The following PIWIL3 variants were observed in gnomAD, a reference collection of about 807,000 sequenced individuals.
PIWIL3 encodes piwi-like protein 3.
Under a neutral mutation model 109.7 loss-of-function variants are expected in PIWIL3, and 101 were observed. The ratio of observed to expected loss-of-function variants is 0.92; its 90% CI spans 0.78 to 1.09. The LOEUF (loss-of-function observed/expected upper bound fraction) is 1.09. Among genes scored for constraint, PIWIL3 ranks in the 50% least tolerant of loss-of-function variants. PIWIL3 has a pLI of 0.00. For synonymous variants in PIWIL3, 373 were observed against 376.4 expected, an observed-to-expected ratio of 0.99 and a Z score of 0.10; for missense variants, 1,031 against 1,072.6, an observed-to-expected ratio of 0.96 and a Z score of 0.54.
At chr22:24,725,296 A>G in intron 17 of PIWIL3, 149 bp downstream of exon 17, 1 of 985,760 alleles carries the variant, frequency 1.0e-6, no homozygotes, top group South Asian at 1.6e-5. Context: ...TCTACCCACT[A>G]GACTCAATGC....
At chr22:24,754,527 T>C (rs971896827) in intron 7 of PIWIL3, among the ~76,000 whole-genome samples, 4 of 152,240 alleles carry the variant, frequency 2.6e-5, no homozygotes, top group Non-Finnish European at 5.9e-5. Flanking sequence ...AGACAAATTA[T>C]ACATTTTGGA....
chr22:24,773,087 T>G (rs1926217030), intron 1 of PIWIL3, among the ~76,000 whole-genome samples: 1 of 152,094 alleles, frequency 6.6e-6, no homozygotes, highest in South Asian at 2.1e-4. Flanking sequence ...GCCAGGACAG[T>G]AGAAAGCTGT....
At chr22:24,745,504 C>A (rs530932534) in intron 12 of PIWIL3, among the ~76,000 whole-genome samples, 1 of 151,692 alleles carries the variant, frequency 6.6e-6, no homozygotes, top group Admixed American at 6.6e-5. Context: ...CCAGAATCAC[C>A]CCACTACACT....
chr22:24,758,040 C>T lies in PIWIL3; in HGVS notation c.224-1G>A, dbSNP rs957971522. On this transcript the variant is annotated splice_acceptor_variant, in intron 3 of 20. Transcript: ENST00000616349. LOFTEE classifies it high-confidence loss of function. The stretch of plus-strand genomic sequence containing the variant: ...GCCTCAGGTCCAGGTTCCTTCACCC[C>T]TGCATAAATGTAAACGCCAGAAGTT... 1.2e-6 allele frequency: 2 copies of T among 1,603,744 alleles called. No individual in the cohort carries two copies. The highest frequency in any genetic ancestry group is 1.4e-5 in the African/African-American group (1 of 73,966).
At chr22:24,730,703 T>TA (rs553550876) in intron 14 of PIWIL3, among the ~76,000 whole-genome samples, 18 of 152,028 alleles carry the variant, frequency 1.2e-4, no homozygotes, top group Admixed American at 3.9e-4. Context: ...TCCAAATATC[T>TA]AAAAAAAATG....
At chr22:24,737,349 A>C (rs1923719068) in intron 12 of PIWIL3, among the ~76,000 whole-genome samples, 1 of 152,142 alleles carries the variant, frequency 6.6e-6, no homozygotes, top group African/African-American at 2.4e-5. Context: ...CCAGAAGGGA[A>C]ACCTGTTGCT....
At chr22:24,749,553 A>C in intron 10 of PIWIL3, 32 bp from the exon 11 acceptor site, 1 of 1,612,368 alleles carries the variant, frequency 6.2e-7, no homozygotes, top group Non-Finnish European at 8.5e-7. Context: ...ACAGCTGAAC[A>C]AGCATGAATT....
intron 19 of PIWIL3, among the ~76,000 whole-genome samples, chr22:24,720,563 G>A (rs992434609): frequency 3.9e-5 from 6 of 152,208 alleles, no homozygotes; most frequent in Admixed American, 6.5e-5. Context: ...GAGCCACTGC[G>A]CCTGGCCTTA....
At chr22:24,740,218 C>CAAAAAAAAAAAAAAAAAAAAAAA (rs71189272) in intron 12 of PIWIL3, among the ~76,000 whole-genome samples, 5 of 63,894 alleles carry the variant, frequency 7.8e-5, no homozygotes, top group African/African-American at 3.0e-4. Flanking sequence ...GAGACTGTCT[C>CAAAAAAAAAAAAAAAAAAAAAAA]AAAAAAAAAA....
At chr22:24,774,200 T>A (rs530865022) in intron 1 of PIWIL3, 122 bp downstream of exon 1, 1 of 152,224 alleles carries the variant, frequency 6.6e-6, no homozygotes, top group African/African-American at 2.4e-5. Flanking sequence ...TTTCCTCTCC[T>A]CTTGAAATCC....
intron 6 of PIWIL3, 53 bp downstream of exon 6, chr22:24,755,731 A>G: frequency 6.2e-7 from 1 of 1,607,572 alleles, no homozygotes; most frequent in Non-Finnish European, 8.5e-7. Flanking sequence ...CCACACCACT[A>G]CACAGTAAAA....
chr22:24,720,465 G>GT (rs1922612218), intron 19 of PIWIL3, among the ~76,000 whole-genome samples: 1 of 151,734 alleles, frequency 6.6e-6, no homozygotes, highest in African/African-American at 2.4e-5. Context: ...TAGAGATGGG[G>GT]TTTCACCGTG....
rs117217738 is a variant in PIWIL3 at position 24,773,264 on chromosome 22, C to T, written c.-23+1058G>A. ...GCAGGGAGGGCATTACACACTGTCCCTTCCCCCTTTTCCATACTCCTGCCT... is the reference window on the plus strand; with the variant it reads ...GCAGGGAGGGCATTACACACTGTCCTTTCCCCCTTTTCCATACTCCTGCCT... On this transcript the variant is annotated intron_variant, in intron 1 of 20. Coordinates refer to ENST00000616349, the MANE Select transcript of PIWIL3 (RefSeq NM_001255975.1). Among the ~76,000 whole-genome samples, 167 of 152,332 alleles carry T rather than the reference C, an allele frequency of 1.1e-3. 1 individual carries two copies. The East Asian group carries it at 0.017, about 15-fold the overall frequency.
chr22:24,746,641 A>AT (rs1054042188), intron 12 of PIWIL3, among the ~76,000 whole-genome samples: 61 of 151,856 alleles, frequency 4.0e-4, no homozygotes, highest in Middle Eastern at 3.4e-3. Context: ...CTCCAAAAAA[A>AT]AAAAACATAG....
chr22:24,763,926 G>A (rs1925616942), intron 1 of PIWIL3, among the ~76,000 whole-genome samples: 1 of 152,276 alleles, frequency 6.6e-6, no homozygotes, highest in East Asian at 1.9e-4. Context: ...CTGTGGCCTC[G>A]GGTTCTTGGT....
At chr22:24,723,077 G>A in intron 19 of PIWIL3, 53 bp downstream of exon 19, 1 of 1,568,838 alleles carries the variant, frequency 6.4e-7, no homozygotes, top group Non-Finnish European at 8.8e-7. Context: ...GTGCTGAACT[G>A]AAGGAAATTG....
rs544429169 is a variant in PIWIL3, at chr22:24,741,123, G to A, written c.1450-5231C>T. Among the ~76,000 whole-genome samples, 12 of 152,232 alleles carry A rather than the reference G, an allele frequency of 7.9e-5. No homozygotes were observed. In the South Asian group the frequency reaches 1.5e-3, roughly 18 times the overall value. ...GTTTAAAATATGCAAGTCAATAAAC[G>A]TGCTACACCACACAAACAGGATTAA... On this transcript the variant is annotated intron_variant, in intron 12 of 20. Transcript: ENST00000616349.
At chr22:24,750,951 C>T (rs1464875856) in intron 9 of PIWIL3, among the ~76,000 whole-genome samples, 6 of 151,406 alleles carry the variant, frequency 4.0e-5, no homozygotes, top group Non-Finnish European at 8.8e-5. Context: ...TGGTGAAACC[C>T]CGTCTCTACT....
intron 14 of PIWIL3, among the ~76,000 whole-genome samples, chr22:24,733,592 A>G (rs996089326): frequency 6.6e-6 from 1 of 152,110 alleles, no homozygotes. Flanking sequence ...GAGGCAGGAG[A>G]ATTGCTTGAA....
Sources: allele counts gnomAD v4.1 joint callset (sites outside exome capture counted in the v4.1 genomes callset), GRCh38; gene constraint gnomAD v4.1.1; transcripts MANE v1.5; gene names NCBI Gene and HGNC (gene_info 2026-07-23, HGNC 2026-07-21).